The following PRKCB variants were observed in gnomAD, a reference collection of about 807,000 sequenced individuals.
PRKCB encodes the protein protein kinase C beta type.
In PRKCB, 13 loss-of-function variants were observed where a neutral mutation model predicts 81.5. The ratio of observed to expected loss-of-function variants is 0.16; its 90% confidence interval spans 0.10 to 0.25. The LOEUF (loss-of-function observed/expected upper bound fraction) is 0.25. Ranked by LOEUF, PRKCB falls within the 10% of genes least tolerant of loss-of-function variation. PRKCB has a pLI of 1.00. For synonymous variants in PRKCB, 335 were observed against 321.4 expected, an observed-to-expected ratio of 1.04 and a Z score of -0.45; for missense variants, 509 against 875.7, an observed-to-expected ratio of 0.58 and a Z score of 5.29.
chr16:23,886,219 C>T (rs1279917360), intron 2 of PRKCB, among the ~76,000 whole-genome samples: 1 of 152,054 alleles, frequency 6.6e-6, no homozygotes, highest in Non-Finnish European at 1.5e-5. Flanking sequence ...AAGAAAGTTT[C>T]CTTTGACTTG....
intron 3 of PRKCB, among the ~76,000 whole-genome samples, chr16:24,012,225 A>G (rs530505572): frequency 6.6e-6 from 1 of 152,344 alleles, no homozygotes; most frequent in African/African-American, 2.4e-5. Context: ...CACCTATCAT[A>G]TGCCACGTGC....
chr16:24,212,302 C>A (rs374276203), intron 16 of PRKCB, among the ~76,000 whole-genome samples: 7 of 149,988 alleles, frequency 4.7e-5, no homozygotes, highest in African/African-American at 1.7e-4. Flanking sequence ...TGAAAAAGGT[C>A]ATATATTCAA....
intron 5 of PRKCB, among the ~76,000 whole-genome samples, chr16:24,054,475 T>C (rs989886586): frequency 6.6e-6 from 1 of 152,226 alleles, no homozygotes; most frequent in Non-Finnish European, 1.5e-5. Flanking sequence ...ATATAGCTGA[T>C]AAGTGCTGGT....
chr16:24,158,780 T>G (rs1042977514), intron 10 of PRKCB, among the ~76,000 whole-genome samples: 1 of 152,038 alleles, frequency 6.6e-6, no homozygotes, highest in Non-Finnish European at 1.5e-5. Context: ...TGCCTCGGCC[T>G]CCCTAGTAGC....
intron 4 of PRKCB, 25 bp downstream of exon 4, chr16:24,032,272 C>T: frequency 6.5e-7 from 1 of 1,527,998 alleles, no homozygotes; most frequent in Non-Finnish European, 9.1e-7. Flanking sequence ...TCTCTGGGGG[C>T]ATCTGCTGAT....
chr16:24,215,882 T>C lies in PRKCB; in HGVS notation c.*1066T>C, dbSNP rs1003534483. Reference sequence around the variant, plus strand: ...ACACCGTTTCTTGAAACAAAGATGGTTGTATTCCTCACTTTGATGTTGTTT... The same window carrying C: ...ACACCGTTTCTTGAAACAAAGATGGCTGTATTCCTCACTTTGATGTTGTTT... On this transcript the variant is annotated 3_prime_UTR_variant, in exon 17 of 17. Transcript: ENST00000643927. 4 of 985,200 alleles carry C rather than the reference T, an allele frequency of 4.1e-6. No homozygotes were observed. The African/African-American group carries it at 7.0e-5, about 17-fold the overall frequency. The allele number at this position is 985,200 out of a possible 1,614,324, so 61.0% of individuals were successfully genotyped here.
rs776865411 is a variant in PRKCB, at chr16:24,214,659, G to A, written c.1865G>A (p.Cys622Tyr). The change falls in exon 17 of 17, where the codon TGT (cysteine) becomes TAT (tyrosine). Residue 622 changes from cysteine (C) to tyrosine (Y), a missense_variant and splice_region_variant. Transcript: ENST00000643927. ...AGTTCTTTTCTTCCCCTCTCATAGTGTGGGCGAAATGCTGAAAACTTCGAC... is the reference window on the plus strand; with the variant it reads ...AGTTCTTTTCTTCCCCTCTCATAGTATGGGCGAAATGCTGAAAACTTCGAC... ...EIQPPYKPKA[C>Y]GRNAENFDRF... 2 of 1,613,656 alleles carry A rather than the reference G, an allele frequency of 1.2e-6. No individual in the cohort carries two copies.
At chr16:24,204,183 G>A (rs11640893) in intron 16 of PRKCB, among the ~76,000 whole-genome samples, 8 of 151,952 alleles carry the variant, frequency 5.3e-5, no homozygotes, top group East Asian at 3.9e-4. Context: ...AGTCATTCTC[G>A]CCACACCCTA....
chr16:24,037,232 G>A (rs1185301618), intron 5 of PRKCB, among the ~76,000 whole-genome samples: 4 of 152,070 alleles, frequency 2.6e-5, no homozygotes, highest in Admixed American at 1.3e-4. Flanking sequence ...CAAGTGATCC[G>A]CCCATCTCGG....
chr16:24,219,463 C>T lies in PRKCB; in HGVS notation c.*4647C>T. The T allele has an allele frequency of 1.0e-6, 1 of 986,618 alleles. No individual in the cohort carries two copies. 61.1% of individuals were successfully genotyped at this position (986,618 alleles called of 1,614,324 possible). On this transcript the variant is annotated 3_prime_UTR_variant, in exon 17 of 17. Transcript: ENST00000643927. ...CAGTGATCTGATTTCTCCACATGGCCATTCTGCCTTCTTGGGGGCAGAGTA... is the reference window on the plus strand; with the variant it reads ...CAGTGATCTGATTTCTCCACATGGCTATTCTGCCTTCTTGGGGGCAGAGTA...
At chr16:23,857,299 GC>G (rs1962584649) in intron 2 of PRKCB, among the ~76,000 whole-genome samples, 1 of 152,194 alleles carries the variant, frequency 6.6e-6, no homozygotes, top group African/African-American at 2.4e-5. Context: ...AGAAGGAGCT[GC>G]TTATCCTGGG....
intron 3 of PRKCB, among the ~76,000 whole-genome samples, chr16:24,027,450 T>G (rs1190002012): frequency 2.6e-5 from 4 of 152,014 alleles, no homozygotes; most frequent in African/African-American, 4.8e-5. Context: ...TCCCTTAGTT[T>G]TTTGGGGGGT....
chr16:23,849,924 C>T (rs965896957), intron 2 of PRKCB, among the ~76,000 whole-genome samples: 4 of 152,130 alleles, frequency 2.6e-5, no homozygotes, highest in African/African-American at 4.8e-5. Flanking sequence ...GATCTCCAAA[C>T]CTATTCCCCT....
At chr16:23,893,977 T>TG (rs1963333457) in intron 2 of PRKCB, 1 of 152,268 alleles carries the variant, frequency 6.6e-6, no homozygotes, top group African/African-American at 2.4e-5. Context: ...AAACAATGAC[T>TG]ATTTACTTAC....
chr16:24,176,493 A>G (rs1241318194), intron 12 of PRKCB, among the ~76,000 whole-genome samples: 1 of 152,228 alleles, frequency 6.6e-6, no homozygotes, highest in African/African-American at 2.4e-5. Flanking sequence ...CACGTTCACT[A>G]TGTGTGCATG....
intron 2 of PRKCB, among the ~76,000 whole-genome samples, chr16:23,983,808 C>G (rs1964768650): frequency 6.6e-6 from 1 of 152,002 alleles, no homozygotes; most frequent in Non-Finnish European, 1.5e-5. Flanking sequence ...CTCTGCCTCC[C>G]TGGTTCCAGT....
chr16:23,882,058 T>TTCCTTCC, intron 2 of PRKCB, among the ~76,000 whole-genome samples: 1 of 74,752 alleles, frequency 1.3e-5, no homozygotes, highest in Non-Finnish European at 2.8e-5. Context: ...TCCTTCCTTC[T>TTCCTTCC]TCCTTTCCTT....
intron 2 of PRKCB, among the ~76,000 whole-genome samples, chr16:23,851,731 C>T (rs1962475744): frequency 6.6e-6 from 1 of 152,132 alleles, no homozygotes; most frequent in Non-Finnish European, 1.5e-5. Context: ...AATATCTTTT[C>T]ATTTATTTGT....
chr16:24,058,861 G>C (rs1447478228), intron 5 of PRKCB, among the ~76,000 whole-genome samples: 1 of 129,782 alleles, frequency 7.7e-6, no homozygotes, highest in Non-Finnish European at 1.6e-5. Context: ...TAAGGGACTA[G>C]AGCTGTAGAG....
Sources: gnomAD v4.1 joint callset for allele counts (sites outside exome capture counted in the v4.1 genomes callset) on GRCh38, gnomAD v4.1.1 for gene constraint, MANE v1.5 for transcripts, NCBI Gene and HGNC (gene_info 2026-07-23, HGNC 2026-07-21) for gene names.